COP1: variants seen among roughly 807,000 people sequenced by gnomAD.
The protein encoded by COP1 is COP1 E3 ubiquitin ligase.
A neutral mutation model predicts 101.3 loss-of-function variants in COP1; 24 were observed. The ratio of observed to expected loss-of-function variants is 0.24; its 90% CI spans 0.17 to 0.33. COP1 has a LOEUF of 0.33. COP1 is among the 10% of genes least tolerant of loss of function. The pLI is 1.00. For synonymous variants in COP1, 347 were observed against 341.9 expected (o/e 1.01, Z -0.17); for missense variants, 663 against 906.2 (o/e 0.73, Z 3.45).
At position 175,970,202 on chromosome 1, in the gene COP1, T is replaced by C. The variant is rs185683618; in HGVS notation, c.2133+16741A>G. The stretch of plus-strand genomic sequence containing the variant: ...ACATCAGTTGGTAGACTGCATTCTA[T>C]AGGTTCATCAATAGCTGTGAGAAAC... On this transcript the variant is annotated intron_variant, in intron 18 of 19. Transcript: ENST00000367669. Among the ~76,000 whole-genome samples the C allele has an allele frequency of 2.2e-4, 33 of 152,268 alleles. No homozygotes were observed. The East Asian group carries it at 6.4e-3, about 29-fold the overall frequency.
chr1:176,185,059 C>T (rs1479231494), intron 1 of COP1, among the ~76,000 whole-genome samples: 1 of 151,992 alleles, frequency 6.6e-6, no homozygotes, highest in Non-Finnish European at 1.5e-5. Flanking sequence ...AAGCGTGTAC[C>T]GAGACCTGCT....
At chr1:176,205,982 C>T (rs1387837705) in intron 1 of COP1, among the ~76,000 whole-genome samples, 1 of 152,170 alleles carries the variant, frequency 6.6e-6, no homozygotes, top group African/African-American at 2.4e-5. Flanking sequence ...TCCTAAGTGG[C>T]CCATCCTTTG....
intron 11 of COP1, among the ~76,000 whole-genome samples, chr1:176,061,084 A>G (rs1413324706): frequency 3.3e-5 from 5 of 152,224 alleles, no homozygotes; most frequent in Non-Finnish European, 7.3e-5. Context: ...AGTAATCATG[A>G]CAGTATGGTA....
At chr1:176,018,008 TG>T (rs1665980977) in intron 15 of COP1, among the ~76,000 whole-genome samples, 1 of 151,398 alleles carries the variant, frequency 6.6e-6, no homozygotes. Context: ...CCTTAACGCC[TG>T]CTCTCAATTT....
In COP1 at chr1:176,173,986, C is replaced by CAA. The variant is rs1212803591; in HGVS notation, c.565+1922_565+1923dup. ...TGGGCAACAGAGTGAGATGCTGTCT[C>CAA]AAAAAAAAAAAAAAAAAAAAAAGAG... On this transcript the variant is annotated intron_variant, in intron 3 of 19. Transcript: ENST00000367669. 1.0e-3 allele frequency among the ~76,000 whole-genome samples: 51 copies of CAA among 49,016 alleles called. 2 individuals are homozygous for CAA. The highest frequency in any genetic ancestry group is 1.7e-3 in the African/African-American group (26 of 14,924). 32.2% of individuals were successfully genotyped at this position (49,016 alleles called of 152,430 possible). A position where few individuals can be genotyped will look rare whatever the true frequency, so the allele number is the denominator to read the frequency against.
rs750233772 is a variant in COP1, at chr1:176,081,193, T to C, written c.1236A>G (p.Ser412=). ...YNSVRPLATL[S]YASDLYNGSS... ...AACCATTATAGAGATCACTAGCATA[T>C]GACAATGTGGCTAAAGGTCGTACTG... The change falls in exon 11 of 20, where the codon TCA becomes TCG. Residue 412 remains serine, a synonymous_variant. Transcript: ENST00000367669. 3 of 1,610,998 alleles carry C rather than the reference T, an allele frequency of 1.9e-6. No homozygotes were observed. Among genetic ancestry groups the C allele is most frequent in the African/African-American group, 2.7e-5 (2 of 74,638 alleles).
At chr1:176,044,927 T>C (rs919718443) in intron 12 of COP1, among the ~76,000 whole-genome samples, 6 of 152,220 alleles carry the variant, frequency 3.9e-5, no homozygotes, top group Non-Finnish European at 8.8e-5. Context: ...TTATGAGTAC[T>C]TGCCATGGGC....
chr1:176,032,806 C>T (rs1414549444), intron 14 of COP1, among the ~76,000 whole-genome samples: 1 of 151,924 alleles, frequency 6.6e-6, no homozygotes, highest in Non-Finnish European at 1.5e-5. Context: ...AGGGGAACTA[C>T]ACAAGCATAA....
At chr1:175,958,804 T>C (rs980138582) in intron 18 of COP1, among the ~76,000 whole-genome samples, 3 of 152,036 alleles carry the variant, frequency 2.0e-5, no homozygotes, top group African/African-American at 4.8e-5. Flanking sequence ...AGAATCATCC[T>C]ACAGGTATTA....
intron 15 of COP1, among the ~76,000 whole-genome samples, chr1:175,992,072 G>C (rs576650913): frequency 3.9e-5 from 6 of 152,078 alleles, no homozygotes; most frequent in Non-Finnish European, 8.8e-5. Context: ...TAGACTTTTT[G>C]AACATTTTTA....
intron 18 of COP1, among the ~76,000 whole-genome samples, chr1:175,949,184 A>AAAAAAAAAAAAAAAAAAAG: frequency 6.7e-6 from 1 of 148,516 alleles, no homozygotes; most frequent in Non-Finnish European, 1.5e-5. Flanking sequence ...AAAAAAAAAA[A>AAAAAAAAAAAAAAAAAAAG]AAAAAAAATG....
intron 6 of COP1, 126 bp downstream of exon 6, chr1:176,148,880 C>G: frequency 1.7e-6 from 1 of 580,984 alleles, no homozygotes; most frequent in Non-Finnish European, 3.0e-6. Context: ...CTTAAGGAAA[C>G]CTCCTAAAAA....
At chr1:176,086,102 T>C (rs1362437084) in intron 9 of COP1, among the ~76,000 whole-genome samples, 1 of 151,950 alleles carries the variant, frequency 6.6e-6, no homozygotes, top group African/African-American at 2.4e-5. Flanking sequence ...AAACTAATAA[T>C]GACTAAAAAT....
intron 18 of COP1, among the ~76,000 whole-genome samples, chr1:175,961,062 A>G (rs1571259579): frequency 6.6e-6 from 1 of 152,178 alleles, no homozygotes; most frequent in African/African-American, 2.4e-5. Flanking sequence ...TGGCCATCAG[A>G]AGTCCAGATT....
At chr1:175,957,881 T>A (rs1650874480) in intron 18 of COP1, among the ~76,000 whole-genome samples, 1 of 152,174 alleles carries the variant, frequency 6.6e-6, no homozygotes, top group Non-Finnish European at 1.5e-5. Flanking sequence ...AACACAAGCA[T>A]TTCAAAGTAT....
intron 14 of COP1, among the ~76,000 whole-genome samples, chr1:176,028,649 A>C (rs1668102367): frequency 6.9e-6 from 1 of 145,274 alleles, no homozygotes; most frequent in Non-Finnish European, 1.5e-5. Flanking sequence ...AAGACATAAA[A>C]GACAGGAACA....
chr1:176,060,829 G>C (rs1674707773), intron 11 of COP1, among the ~76,000 whole-genome samples: 1 of 152,018 alleles, frequency 6.6e-6, no homozygotes, highest in African/African-American at 2.4e-5. Context: ...TAAAAAATCA[G>C]AAACCCATTT....
At chr1:176,115,105 T>C (rs191491873) in intron 9 of COP1, among the ~76,000 whole-genome samples, 3 of 152,366 alleles carry the variant, frequency 2.0e-5, no homozygotes, top group Admixed American at 2.0e-4. Flanking sequence ...GAATTCTTTT[T>C]AGTATTTTCG....
chr1:176,086,656 A>G (rs575006071), intron 9 of COP1, among the ~76,000 whole-genome samples: 4 of 152,324 alleles, frequency 2.6e-5, no homozygotes, highest in Non-Finnish European at 4.4e-5. Flanking sequence ...GATAGGAAGA[A>G]TCAATATTGT....
Sources: allele counts gnomAD v4.1 joint callset (sites outside exome capture counted in the v4.1 genomes callset), GRCh38; gene constraint gnomAD v4.1.1; transcripts MANE v1.5; gene names NCBI Gene and HGNC (gene_info 2026-07-23, HGNC 2026-07-21).